Variants in SPTBN2 observed in about 807,000 individuals in gnomAD.
The protein encoded by SPTBN2 is spectrin beta chain, non-erythrocytic 2.
In SPTBN2, 107 loss-of-function variants were observed where a neutral mutation model predicts 284.2. The observed-to-expected ratio is 0.38, with a 90% CI of 0.32 to 0.44. The LOEUF (loss-of-function observed/expected upper bound fraction) is 0.44. Among genes scored for constraint, SPTBN2 ranks in the 20% least tolerant of loss-of-function variants. The pLI is 1.00. For missense variants in SPTBN2, 2,569 were observed against 3,287.1 expected (o/e 0.78, Z 5.34); for synonymous variants, 1,289 against 1,354.8 (o/e 0.95, Z 1.07).
upstream of SPTBN2, among the ~76,000 whole-genome samples, chr11:66,732,484 C>T (rs1331035870): frequency 6.6e-6 from 1 of 151,886 alleles, no homozygotes; most frequent in African/African-American, 2.4e-5. Flanking sequence ...CCCTTTTCTA[C>T]TAAAAATACA....
At chr11:66,696,683 T>C in intron 20 of SPTBN2, 143 bp from the exon 21 acceptor site, 4 of 1,166,826 alleles carry the variant, frequency 3.4e-6, no homozygotes, top group Non-Finnish European at 5.0e-6. Flanking sequence ...ATCGACACAC[T>C]CTTCACGGAG....
chr11:66,705,245 G>A lies in SPTBN2; in HGVS notation c.2031C>T (p.Leu677=), dbSNP rs771069597. The A allele has an allele frequency of 1.1e-5, 17 of 1,570,018 alleles. No homozygotes were observed. The African/African-American group carries it at 1.9e-4, about 17-fold the overall frequency. Residue 677 remains leucine (L), a synonymous_variant, in exon 15 of 38, where the codon CTC becomes CTT. Coordinates refer to ENST00000533211, the MANE Select transcript of SPTBN2 (RefSeq NM_006946.4). ...ADTGRDLTGA[L]RLLNKHTALR... is the part of the protein sequence containing the mutation. ...GGGCTGTGTGCTTGTTGAGCAGGCG[G>A]AGGGCACCGGTCAGGTCTCGGCCCG...
rs372626707 is a variant in SPTBN2 at position 66,696,465 on chromosome 11, G to A, written c.4090C>T (p.Arg1364Cys). Residue 1364 changes from arginine (R) to cysteine (C), a missense_variant, in exon 21 of 38, where the codon CGC becomes TGC. Arg to Cys is a radical substitution (Grantham distance 180). Coordinates refer to ENST00000533211, the MANE Select transcript of SPTBN2 (RefSeq NM_006946.4). ...GTGGTGGTCTCCAGCTCGTCCCAGCGCCTGTGCAGGTCTCTCAGCTTCTCC... is the reference window on the plus strand; with the variant it reads ...GTGGTGGTCTCCAGCTCGTCCCAGCACCTGTGCAGGTCTCTCAGCTTCTCC... Reference protein sequence around the residue: ...VSEKLRDLHRRWDELETTTQA... With the variant: ...VSEKLRDLHRCWDELETTTQA... 8 of 1,612,388 alleles carry A rather than the reference G, an allele frequency of 5.0e-6. No homozygotes were observed. Among genetic ancestry groups the A allele is most frequent in the African/African-American group, 1.3e-5 (1 of 74,916 alleles).
In SPTBN2 at chr11:66,691,154, G is replaced by A. The variant is rs1008849694; in HGVS notation, c.5565+130C>T. On this transcript the variant is annotated intron_variant, in intron 27 of 37. Transcript: ENST00000533211. The surrounding 1 kb of genome is among the most constrained non-coding windows in gnomAD (Gnocchi z 8.0). ...TTTCTTGGAGCAATTTCCTCATCTCGAAATGGCCCTCGAAAGAGTGCCGTC... is the reference window on the plus strand; with the variant it reads ...TTTCTTGGAGCAATTTCCTCATCTCAAAATGGCCCTCGAAAGAGTGCCGTC... 2.3e-5 allele frequency: 31 copies of A among 1,320,766 alleles called. No homozygotes were observed. Among genetic ancestry groups the A allele is most frequent in the African/African-American group, 1.5e-4 (10 of 67,222 alleles). The allele number at this position is 1,320,766 out of a possible 1,614,324, so 81.8% of individuals were successfully genotyped here.
At position 66,687,783 on chromosome 11, in the gene SPTBN2, C is replaced by T; in HGVS notation, c.6501+85G>A. The T allele has an allele frequency of 6.3e-7, 1 of 1,596,782 alleles. No homozygotes were observed. The highest frequency in any genetic ancestry group is 8.6e-7 in the Non-Finnish European group (1 of 1,164,494). On this transcript the variant is annotated intron_variant, in intron 34 of 37. Coordinates refer to ENST00000533211, the MANE Select transcript of SPTBN2 (RefSeq NM_006946.4). The surrounding 1 kb of genome is among the most constrained non-coding windows in gnomAD (Gnocchi z 5.2). ...AGCCTCTGCCCTCTCCCATCCCATC[C>T]CCAGTACTCCCCCACCCGCACTCAC...
Position 66,707,830 on chromosome 11 carries a change from G to A in SPTBN2, c.1351-12C>T, listed in dbSNP as rs1172680726. 3.5e-5 allele frequency: 56 copies of A among 1,606,766 alleles called. No homozygotes were observed. Among genetic ancestry groups the A allele is most frequent in the Non-Finnish European group, 4.7e-5 (56 of 1,179,806 alleles). ...AGCCCAAAGTTGTCCTGTGTCGGGG[G>A]CAGGGAGAGGAGGTGTGGGGACCAA... On this transcript the variant is annotated splice_polypyrimidine_tract_variant and intron_variant, in intron 12 of 37. Transcript: ENST00000533211. The surrounding 1 kb of genome is among the most constrained non-coding windows in gnomAD (Gnocchi z 4.9).
rs527744641 is a variant in SPTBN2 at position 66,727,812 on chromosome 11, G to C, written c.-114+929C>G. On this transcript the variant is annotated intron_variant, in intron 1 of 37. Transcript: ENST00000533211. ...CGCCCCCAGCACCTGGCCCGGCGCC[G>C]GCCCGTCCGCCCCGCAGCCCCGGCG... 2.0e-3 allele frequency among the ~76,000 whole-genome samples: 306 copies of C among 151,144 alleles called. 2 individuals are homozygous for C. The highest frequency in any genetic ancestry group is 7.2e-3 in the African/African-American group (298 of 41,412).
intron 25 of SPTBN2, 84 bp from the exon 26 acceptor site, chr11:66,692,824 G>A (rs1350549651): frequency 6.3e-7 from 1 of 1,596,654 alleles, no homozygotes; most frequent in Non-Finnish European, 8.5e-7. Flanking sequence ...CTGTCCCTCT[G>A]AGTCTCCCAA....
Position 66,700,871 on chromosome 11 carries a change from G to T in SPTBN2, c.3228C>A (p.Asp1076Glu), listed in dbSNP as rs768688583. The T allele has an allele frequency of 1.9e-6, 3 of 1,600,134 alleles. No individual in the cohort carries two copies. Among genetic ancestry groups the T allele is most frequent in the Non-Finnish European group, 2.5e-6 (3 of 1,179,836 alleles). Residue 1076 changes from aspartate to glutamate, a missense_variant, in exon 17 of 38, where the codon GAC becomes GAA. Physicochemically the swap from Asp to Glu is conservative, Grantham distance 45 (BLOSUM62 2). This residue lies in a region of SPTBN2 where 1,012 missense variants were observed against 1,248.9 expected (regional missense o/e 0.81). Coordinates refer to ENST00000533211, the MANE Select transcript of SPTBN2 (RefSeq NM_006946.4). This position sits in a 1 kb window ranked among gnomAD's most constrained non-coding sequence, Gnocchi z 6.6. ...RLQDFLRSLD[D>E]FQAWLGRTQT... Reference sequence around the variant, plus strand: ...GAGTGCGGCCTAGCCAGGCCTGGAAGTCATCCAAGCTGCGCAAGAAGTCCT... The same window carrying T: ...GAGTGCGGCCTAGCCAGGCCTGGAATTCATCCAAGCTGCGCAAGAAGTCCT...
At position 66,705,422 on chromosome 11, in the gene SPTBN2, C is replaced by T; in HGVS notation, c.1854G>A (p.Lys618=). 1 of 1,613,026 alleles carries T rather than the reference C, an allele frequency of 6.2e-7. No individual in the cohort carries two copies. The highest frequency in any genetic ancestry group is 8.5e-7 in the Non-Finnish European group (1 of 1,180,016). Residue 618 remains lysine (K), a synonymous_variant, in exon 15 of 38, where the codon AAG becomes AAA. Transcript: ENST00000533211. ...ACAGTGCCTCATAGCTCTGCTCTAG[C>T]TTGGCCACCCGCTCCGACACCAGCT... is the stretch of plus-strand genomic sequence containing the variant. ...DPQLVSERVA[K]LEQSYEALCE...
intron 20 of SPTBN2, among the ~76,000 whole-genome samples, chr11:66,697,850 A>G (rs1430522484): frequency 6.6e-6 from 1 of 152,178 alleles, no homozygotes; most frequent in African/African-American, 2.4e-5. Context: ...AGGGCCTAAT[A>G]CAATGCTTTG....
Position 66,705,166 on chromosome 11 carries a change from C to T in SPTBN2, c.2110G>A (p.Gly704Ser). 3 of 1,535,376 alleles carry T rather than the reference C, an allele frequency of 2.0e-6. No individual in the cohort carries two copies. Among genetic ancestry groups the T allele is most frequent in the Non-Finnish European group, 1.8e-6 (2 of 1,142,736 alleles). ...LGPLKLTLEQ[G>S]QQLVAEGHPG... ...TGACCCTCGGCCACCAACTGCTGGCCCTGCTCCAGGGTGAGCTTCAGGGGC... is the reference window on the plus strand; with the variant it reads ...TGACCCTCGGCCACCAACTGCTGGCTCTGCTCCAGGGTGAGCTTCAGGGGC... The change falls in exon 15 of 38, where the codon GGC (glycine) becomes AGC (serine). Residue 704 changes from glycine to serine, a missense_variant. Transcript: ENST00000533211.
chr11:66,709,042 G>A, intron 10 of SPTBN2, 23 bp from the exon 11 acceptor site: 1 of 1,605,942 alleles, frequency 6.2e-7, no homozygotes, highest in Non-Finnish European at 8.5e-7. Context: ...GCCGGGTTGG[G>A]GTCAGAATTA....
At chr11:66,735,697 G>C (rs1942846707) in intron 1 of SPTBN2, among the ~76,000 whole-genome samples, 1 of 152,190 alleles carries the variant, frequency 6.6e-6, no homozygotes, top group African/African-American at 2.4e-5. Context: ...GAGCAACAGA[G>C]TGGGACCCTG....
chr11:66,700,475 G>C lies in SPTBN2; in HGVS notation c.3573+51C>G, dbSNP rs1216407582. ...CATCCTGCTCCTTCACATTTCCCCG[G>C]GTCCCTACTTTGCTCTTCCTCCTGC... On this transcript the variant is annotated intron_variant, in intron 17 of 37. Coordinates refer to ENST00000533211, the MANE Select transcript of SPTBN2 (RefSeq NM_006946.4). The surrounding 1 kb of genome is among the most constrained non-coding windows in gnomAD (Gnocchi z 6.6). The C allele has an allele frequency of 3.1e-6, 5 of 1,597,682 alleles. No individual in the cohort carries two copies. The Admixed American group carries it at 8.3e-5, about 27-fold the overall frequency.
Position 66,715,896 on chromosome 11 carries a change from C to T in SPTBN2, c.243G>A (p.Leu81=). The change falls in exon 4 of 38, where the codon CTG becomes CTA. Residue 81 remains leucine (L), a synonymous_variant. Transcript: ENST00000533211. This position sits in a 1 kb window ranked among gnomAD's most constrained non-coding sequence, Gnocchi z 5.3. The part of the protein sequence containing the change: ...LARVTCRVGD[L]YSDLRDGRNL... ...TGCGTCCGTCCCGGAGGTCGCTGTACAGGTCCCCCACCCGGCACGTGACCC... is the reference window on the plus strand; with the variant it reads ...TGCGTCCGTCCCGGAGGTCGCTGTATAGGTCCCCCACCCGGCACGTGACCC... 3 of 1,614,012 alleles carry T rather than the reference C, an allele frequency of 1.9e-6. No homozygotes were observed. Among genetic ancestry groups the T allele is most frequent in the Non-Finnish European group, 2.5e-6 (3 of 1,180,014 alleles).
intron 1 of SPTBN2, among the ~76,000 whole-genome samples, chr11:66,735,536 C>A (rs1286450867): frequency 6.6e-6 from 1 of 151,982 alleles, no homozygotes; most frequent in African/African-American, 2.4e-5. Flanking sequence ...AATAGTGAGA[C>A]CTCCATCTTT....
At chr11:66,738,443 A>G (rs1414938374) in intron 1 of SPTBN2, among the ~76,000 whole-genome samples, 2 of 152,212 alleles carry the variant, frequency 1.3e-5, no homozygotes, top group African/African-American at 4.8e-5. Context: ...GGTGAGAATG[A>G]AAGTTGGGGA....
chr11:66,691,663 T>C lies in SPTBN2; in HGVS notation c.5191-5A>G, dbSNP rs766664608. 5 of 1,613,340 alleles carry C rather than the reference T, an allele frequency of 3.1e-6. No homozygotes were observed. The highest frequency in any genetic ancestry group is 4.5e-5 in the East Asian group (2 of 44,892). ...TCGGAATTTGTCTCGGAGCATCTGG[T>C]AGAGGAAGCAGATGGACAGACCATG... is the stretch of plus-strand genomic sequence containing the variant. On this transcript the variant is annotated splice_polypyrimidine_tract_variant and splice_region_variant and intron_variant, in intron 26 of 37. Transcript: ENST00000533211. The surrounding 1 kb of genome is among the most constrained non-coding windows in gnomAD (Gnocchi z 8.0).
Sources: allele counts gnomAD v4.1 joint callset (sites outside exome capture counted in the v4.1 genomes callset), GRCh38; gene constraint gnomAD v4.1.1; regional missense constraint gnomAD v4.1.1; non-coding constraint Gnocchi (gnomAD v3.1); transcripts MANE v1.5; gene names NCBI Gene and HGNC (gene_info 2026-07-23, HGNC 2026-07-21).